The following SUPT3H variants were observed in gnomAD, a reference collection of about 807,000 sequenced individuals.
SUPT3H encodes the protein transcription initiation protein SPT3 homolog.
SUPT3H carries 44 observed loss-of-function variants against 44.3 expected under a neutral mutation model. The observed-to-expected ratio is 0.99, with a 90% CI of 0.78 to 1.28. SUPT3H has a LOEUF of 1.28. SUPT3H is among the 50% of genes most tolerant of loss of function. The pLI is 0.00. For synonymous variants in SUPT3H, 124 were observed against 125.6 expected, an observed-to-expected ratio of 0.99 and a Z score of 0.09; for missense variants, 380 against 387.1, an observed-to-expected ratio of 0.98 and a Z score of 0.15.
intron 2 of SUPT3H, among the ~76,000 whole-genome samples, chr6:45,201,310 G>C (rs985114075): frequency 1.3e-4 from 20 of 151,550 alleles, no homozygotes; most frequent in Admixed American, 5.3e-4. Flanking sequence ...AACTTAAAAT[G>C]CAAGAATTCA....
At chr6:45,179,458 C>A (rs1222364612) in intron 2 of SUPT3H, among the ~76,000 whole-genome samples, 14 of 152,248 alleles carry the variant, frequency 9.2e-5, no homozygotes, top group East Asian at 7.7e-4. Flanking sequence ...TCCTTGATGA[C>A]CATTGATGCA....
intron 3 of SUPT3H, among the ~76,000 whole-genome samples, chr6:45,030,626 G>T (rs1280851888): frequency 3.3e-5 from 5 of 152,076 alleles, no homozygotes; most frequent in Non-Finnish European, 5.9e-5. Flanking sequence ...TAAAAGCACT[G>T]AATTACACCA....
At chr6:45,248,785 C>A (rs902816840) in intron 2 of SUPT3H, among the ~76,000 whole-genome samples, 1 of 151,796 alleles carries the variant, frequency 6.6e-6, no homozygotes, top group Non-Finnish European at 1.5e-5. Context: ...CATGGTGGAG[C>A]GCACCTGTAG....
chr6:44,868,057 T>C (rs1775781435), intron 10 of SUPT3H, among the ~76,000 whole-genome samples: 1 of 152,218 alleles, frequency 6.6e-6, no homozygotes, highest in South Asian at 2.1e-4. Context: ...AGTGAGGTTT[T>C]ACTGAATATG....
intron 10 of SUPT3H, among the ~76,000 whole-genome samples, chr6:44,913,200 T>C (rs6931343): frequency 3.9e-5 from 6 of 152,192 alleles, no homozygotes; most frequent in African/African-American, 1.2e-4. Flanking sequence ...ATCCTTCCAG[T>C]TGACAGTCTA....
intron 10 of SUPT3H, among the ~76,000 whole-genome samples, chr6:44,890,610 G>C (rs1042294065): frequency 7.2e-6 from 1 of 138,522 alleles, no homozygotes; most frequent in Non-Finnish European, 1.6e-5. Context: ...GGACTGTTGT[G>C]GGGTGGGGGA....
chr6:44,954,522 T>A lies in SUPT3H; in HGVS notation c.666A>T (p.Ala222=), dbSNP rs113497980. ...GTGCCACAGTTTCATACGCTAAATA[T>A]GCTAAGATTTCCATTGCGACAACAT... ...KPNVVAMEIL[A]YLAYETVAQL... The change falls in exon 8 of 11, where the codon GCA becomes GCT. Residue 222 remains alanine (A), a synonymous_variant. Coordinates refer to ENST00000371459, the MANE Select transcript of SUPT3H (RefSeq NM_003599.4). 6.2e-7 allele frequency: 1 copy of A among 1,614,034 alleles called. No homozygotes were observed. Among genetic ancestry groups the A allele is most frequent in the Non-Finnish European group, 8.5e-7 (1 of 1,179,916 alleles).
At position 45,304,532 on chromosome 6, in the gene SUPT3H, C is replaced by G. The variant is rs140344955; in HGVS notation, c.101+60669G>C. On this transcript the variant is annotated intron_variant, in intron 2 of 10. Transcript: ENST00000371459. ...GCTAGTATCATTTTCTAAAACTAAA[C>G]AGACTGTTAGCAGAAGTTATTTCAA... Among the ~76,000 whole-genome samples the G allele has an allele frequency of 3.3e-5, 5 of 152,242 alleles. No homozygotes were observed. In the East Asian group the frequency reaches 5.8e-4, roughly 18 times the overall value.
intron 3 of SUPT3H, among the ~76,000 whole-genome samples, chr6:45,034,421 AAG>A (rs1296513645): frequency 6.6e-6 from 1 of 152,148 alleles, no homozygotes; most frequent in African/African-American, 2.4e-5. Context: ...TAGAGAGAGA[AAG>A]AGAAGACATT....
At position 44,975,447 on chromosome 6, in the gene SUPT3H, G is replaced by A. The variant is rs573310680; in HGVS notation, c.505-13619C>T. On this transcript the variant is annotated intron_variant, in intron 6 of 10. Transcript: ENST00000371459. The stretch of plus-strand genomic sequence containing the variant: ...CATCTGCAGCAAGCTGGATGGAGTT[G>A]GAGATCATTATTCTAAGTGAATTAT... Among the ~76,000 whole-genome samples the A allele has an allele frequency of 4.6e-5, 7 of 152,198 alleles. No individual in the cohort carries two copies. In the East Asian group the frequency reaches 1.4e-3, roughly 29 times the overall value.
At chr6:45,090,581 T>C (rs1048816030) in intron 3 of SUPT3H, among the ~76,000 whole-genome samples, 6 of 152,008 alleles carry the variant, frequency 3.9e-5, no homozygotes, top group African/African-American at 1.4e-4. Flanking sequence ...AAAAAGAGTA[T>C]TAATACTTTT....
intron 7 of SUPT3H, among the ~76,000 whole-genome samples, chr6:44,958,837 T>C (rs1161246723): frequency 6.7e-6 from 1 of 149,394 alleles, no homozygotes; most frequent in African/African-American, 2.5e-5. Flanking sequence ...AAAATGACAT[T>C]AGGCCAAGAA....
intron 2 of SUPT3H, among the ~76,000 whole-genome samples, chr6:45,148,471 T>A (rs1806438061): frequency 6.6e-6 from 1 of 152,302 alleles, no homozygotes; most frequent in South Asian, 2.1e-4. Context: ...ATTTTGCTTA[T>A]GAGTGACTTC....
intron 10 of SUPT3H, among the ~76,000 whole-genome samples, chr6:44,930,279 G>A (rs1207639068): frequency 2.6e-5 from 4 of 152,094 alleles, no homozygotes; most frequent in African/African-American, 9.7e-5. Context: ...TACTCAGGAG[G>A]CTGAGATAGG....
intron 6 of SUPT3H, among the ~76,000 whole-genome samples, chr6:44,974,881 G>A (rs1042066213): frequency 2.0e-5 from 3 of 152,158 alleles, no homozygotes; most frequent in African/African-American, 7.2e-5. Context: ...ATGTTAATGA[G>A]TAGCAGAGAT....
chr6:45,117,558 A>C (rs1057303747), intron 2 of SUPT3H, among the ~76,000 whole-genome samples: 1 of 152,224 alleles, frequency 6.6e-6, no homozygotes, highest in Middle Eastern at 3.4e-3. Flanking sequence ...ACTCATGCCA[A>C]AATTACAACT....
rs556835009 is a variant in SUPT3H, at chr6:45,004,870, T to C, written c.365-1078A>G. Among the ~76,000 whole-genome samples the C allele has an allele frequency of 4.0e-3, 616 of 152,298 alleles. 2 individuals are homozygous for C. The highest frequency in any genetic ancestry group is 5.4e-3 in the Admixed American group (82 of 15,282). ...TCCAAGTCAACTGGTACAGCCCTGA[T>C]TCCTTCTTAACGGCTGTGTAATATT... On this transcript the variant is annotated intron_variant, in intron 5 of 10. Transcript: ENST00000371459.
intron 2 of SUPT3H, among the ~76,000 whole-genome samples, chr6:45,316,320 T>A (rs976725459): frequency 6.6e-6 from 1 of 151,346 alleles, no homozygotes; most frequent in African/African-American, 2.4e-5. Flanking sequence ...CAATAACTTA[T>A]GGAAAAATAA....
intron 10 of SUPT3H, among the ~76,000 whole-genome samples, chr6:44,910,731 C>T (rs1049505371): frequency 1.3e-4 from 19 of 150,504 alleles, no homozygotes; most frequent in Non-Finnish European, 2.1e-4. Flanking sequence ...TGGTGGCTCA[C>T]GCCTGTAACC....
Sources: gnomAD v4.1 joint callset for allele counts (sites outside exome capture counted in the v4.1 genomes callset) on GRCh38, gnomAD v4.1.1 for gene constraint, MANE v1.5 for transcripts, NCBI Gene and HGNC (gene_info 2026-07-23, HGNC 2026-07-21) for gene names.